Variants in GPHN observed in about 807,000 individuals in gnomAD.
GPHN encodes the protein gephyrin.
Under a neutral mutation model 95.5 loss-of-function variants are expected in GPHN, and 17 were observed. The observed-to-expected ratio is 0.18, with a 90% CI of 0.12 to 0.27. GPHN has a LOEUF of 0.27. Among genes scored for constraint, GPHN ranks in the 10% least tolerant of loss-of-function variants. The probability of loss-of-function intolerance (pLI) is 1.00; values close to 1 mark genes in which losing one functional copy is unlikely to be tolerated. For synonymous variants in GPHN, 320 were observed against 322.5 expected (o/e 0.99, Z 0.08); for missense variants, 660 against 978.1 (o/e 0.67, Z 4.34).
intron 1 of GPHN, among the ~76,000 whole-genome samples, chr14:66,605,763 A>G (rs1249487747): frequency 1.3e-5 from 2 of 151,712 alleles, no homozygotes; most frequent in African/African-American, 4.8e-5. Flanking sequence ...CGATCTCCTG[A>G]CCTCTTGATC....
intron 4 of GPHN, among the ~76,000 whole-genome samples, chr14:66,876,543 A>G (rs1596244690): frequency 6.6e-6 from 1 of 152,336 alleles, no homozygotes; most frequent in South Asian, 2.1e-4. Context: ...AATAGATACA[A>G]TACAAAATGA....
intron 1 of GPHN, among the ~76,000 whole-genome samples, chr14:66,623,717 C>T (rs2063407255): frequency 6.6e-6 from 1 of 151,578 alleles, no homozygotes. Flanking sequence ...TTTACCCTGA[C>T]ATCAGCTGCC....
chr14:67,030,421 T>C (rs1346275894), intron 10 of GPHN, among the ~76,000 whole-genome samples: 1 of 152,174 alleles, frequency 6.6e-6, no homozygotes, highest in Non-Finnish European at 1.5e-5. Context: ...TGGCTCCTTA[T>C]TATTCTTGTG....
chr14:67,306,127 A>T, the GPHN span, among the ~76,000 whole-genome samples: 1 of 152,092 alleles, frequency 6.6e-6, no homozygotes, highest in African/African-American at 2.4e-5. Flanking sequence ...ATGCCACCAC[A>T]TCCAGCTAAT....
At chr14:66,594,188 T>C (rs2061875202) in intron 1 of GPHN, among the ~76,000 whole-genome samples, 1 of 152,134 alleles carries the variant, frequency 6.6e-6, no homozygotes. Context: ...AGGAAAGATA[T>C]CCCATGTTCA....
At chr14:66,758,850 A>G (rs2058663502) in intron 2 of GPHN, among the ~76,000 whole-genome samples, 1 of 152,196 alleles carries the variant, frequency 6.6e-6, no homozygotes, top group African/African-American at 2.4e-5. Context: ...TGTGAGCTGC[A>G]GCCAGAGACC....
the GPHN span, chr14:67,578,528 T>C: frequency 6.3e-7 from 1 of 1,599,892 alleles, no homozygotes; most frequent in Non-Finnish European, 8.5e-7. The surrounding 1 kb of genome is among the most constrained non-coding windows in gnomAD (Gnocchi z 5.0). Flanking sequence ...TCTGTGTCCC[T>C]GGCAGTGCTG....
At chr14:66,738,520 T>G (rs992250029) in intron 2 of GPHN, among the ~76,000 whole-genome samples, 1 of 152,142 alleles carries the variant, frequency 6.6e-6, no homozygotes, top group Non-Finnish European at 1.5e-5. Context: ...GATTCTTGAT[T>G]TTTTTTATGG....
At chr14:66,748,730 C>T (rs2153446530) in intron 2 of GPHN, among the ~76,000 whole-genome samples, 1 of 151,756 alleles carries the variant, frequency 6.6e-6, no homozygotes, top group Non-Finnish European at 1.5e-5. Flanking sequence ...CAAATCTAAA[C>T]ATTAAATTTA....
chr14:67,666,819 C>T, the GPHN span, among the ~76,000 whole-genome samples: 41 of 152,304 alleles, frequency 2.7e-4, no homozygotes, highest in African/African-American at 7.9e-4. Context: ...CAGTCCAAGG[C>T]TTTTCTGTAT....
Position 66,577,592 on chromosome 14 carries a change from C to A in GPHN, c.64+69001C>A, listed in dbSNP as rs113247045. On this transcript the variant is annotated intron_variant, in intron 1 of 22. Transcript: ENST00000478722. ...CCAAAGTCTCAGTGATATCTGTACA[C>A]CTACATTAAAGGAAAATGAATACAT... Among the ~76,000 whole-genome samples the A allele has an allele frequency of 3.6e-3, 553 of 152,184 alleles. 11 individuals are homozygous for A. The highest frequency in any genetic ancestry group is 0.013 in the African/African-American group (527 of 41,552).
At chr14:67,694,479 C>CAG in the GPHN span, among the ~76,000 whole-genome samples, 1 of 131,540 alleles carries the variant, frequency 7.6e-6, no homozygotes, top group Non-Finnish European at 1.6e-5. Context: ...TATATATATA[C>CAG]ACACACACAC....
chr14:67,123,736 A>G (rs2079137520), intron 17 of GPHN, among the ~76,000 whole-genome samples: 1 of 152,172 alleles, frequency 6.6e-6, no homozygotes, highest in East Asian at 1.9e-4. Flanking sequence ...ACCACGTACA[A>G]CCCAGGACAG....
intron 9 of GPHN, among the ~76,000 whole-genome samples, chr14:66,999,047 G>A (rs1006220294): frequency 3.3e-5 from 5 of 151,810 alleles, no homozygotes; most frequent in African/African-American, 7.3e-5. Flanking sequence ...AAATTGAGAC[G>A]CAGAGAGGTT....
chr14:66,678,473 C>A (rs2066741837), intron 1 of GPHN, among the ~76,000 whole-genome samples: 1 of 150,508 alleles, frequency 6.6e-6, no homozygotes, highest in African/African-American at 2.4e-5. Context: ...TCATTTAGAT[C>A]ACCAGTTGTT....
chr14:67,636,176 T>C, the GPHN span, among the ~76,000 whole-genome samples: 1 of 152,078 alleles, frequency 6.6e-6, no homozygotes, highest in Admixed American at 6.5e-5. Context: ...CAGCCCACTT[T>C]GAAACCCATC....
the GPHN span, among the ~76,000 whole-genome samples, chr14:67,215,024 G>A: frequency 3.3e-5 from 5 of 152,136 alleles, no homozygotes; most frequent in Non-Finnish European, 5.9e-5. Context: ...TTTGTATCCT[G>A]AGACTTTGCT....
At chr14:66,591,180 C>T (rs1334235868) in intron 1 of GPHN, among the ~76,000 whole-genome samples, 1 of 152,126 alleles carries the variant, frequency 6.6e-6, no homozygotes. Context: ...CTATTTATGA[C>T]AAACCCGCAG....
At position 66,992,286 on chromosome 14, in the gene GPHN, T is replaced by C. The variant is rs559704771; in HGVS notation, c.963+26961T>C. On this transcript the variant is annotated intron_variant, in intron 9 of 22. Transcript: ENST00000478722. ...TACTGGCATATAAGTGAAACTAAGA[T>C]GGAAAGTGATGAAATGGAAGGAATA... is the stretch of plus-strand genomic sequence containing the variant. Among the ~76,000 whole-genome samples, 16 of 152,136 alleles carry C rather than the reference T, an allele frequency of 1.1e-4. No homozygotes were observed. In the East Asian group the frequency reaches 2.5e-3, roughly 24 times the overall value.
Sources: gnomAD v4.1 joint callset for allele counts (sites outside exome capture counted in the v4.1 genomes callset) on GRCh38, gnomAD v4.1.1 for gene constraint, Gnocchi (gnomAD v3.1) non-coding constraint, MANE v1.5 for transcripts, NCBI Gene and HGNC (gene_info 2026-07-23, HGNC 2026-07-21) for gene names.